NELL2: variants seen among roughly 807,000 people sequenced by gnomAD.
The protein encoded by NELL2 is neural EGFL like 2.
Under a neutral mutation model 109.6 loss-of-function variants are expected in NELL2, and 41 were observed. The observed-to-expected ratio is 0.37, with a 90% CI of 0.29 to 0.49. The LOEUF is 0.49. NELL2 is among the 20% of genes least tolerant of loss of function. NELL2 has a pLI of 0.98. For synonymous variants in NELL2, 355 were observed against 344.7 expected, an observed-to-expected ratio of 1.03 and a Z score of -0.33; for missense variants, 900 against 1,008.3, an observed-to-expected ratio of 0.89 and a Z score of 1.45.
chr12:44,570,297 T>C (rs1943816074), intron 15 of NELL2, among the ~76,000 whole-genome samples: 1 of 152,162 alleles, frequency 6.6e-6, no homozygotes, highest in African/African-American at 2.4e-5. Flanking sequence ...TGCTCCACAA[T>C]TAGGCAGAAA....
intron 3 of NELL2, among the ~76,000 whole-genome samples, chr12:44,789,560 G>A (rs1968664): frequency 0.95 from 144,074 of 152,140 alleles, 68,724 homozygotes; most frequent in East Asian, 1. Flanking sequence ...TGAGAAAATA[G>A]GGCTCTTTAA....
chr12:44,795,176 C>G lies in NELL2; in HGVS notation c.336-15154G>C, dbSNP rs145651341. On this transcript the variant is annotated intron_variant, in intron 3 of 19. Transcript: ENST00000429094. ...CATGAAATGAGAATTTTTTCTGCTG[C>G]CTTAAATTAAGCCTAAATAGGAAAA... Among the ~76,000 whole-genome samples the G allele has an allele frequency of 8.1e-3, 1,226 of 152,232 alleles. 21 individuals are homozygous for G. The highest frequency in any genetic ancestry group is 0.026 in the African/African-American group (1,065 of 41,546).
intron 15 of NELL2, among the ~76,000 whole-genome samples, chr12:44,581,722 G>A (rs1801955234): frequency 1.3e-5 from 2 of 152,138 alleles, no homozygotes; most frequent in South Asian, 4.1e-4. Flanking sequence ...TTTTCCCCTT[G>A]AGGGATTACA....
intron 11 of NELL2, among the ~76,000 whole-genome samples, chr12:44,709,114 A>T (rs549448346): frequency 2.0e-5 from 3 of 152,148 alleles, no homozygotes; most frequent in Admixed American, 2.0e-4. Context: ...ATTTCTGTAT[A>T]GCCCTTGGAC....
chr12:44,527,487 A>T (rs1282846830), intron 16 of NELL2, among the ~76,000 whole-genome samples: 1 of 152,222 alleles, frequency 6.6e-6, no homozygotes, highest in Non-Finnish European at 1.5e-5. Context: ...GCAGCTTATA[A>T]ACATGTATGT....
At chr12:44,640,725 C>A (rs189870952) in intron 13 of NELL2, among the ~76,000 whole-genome samples, 3 of 151,678 alleles carry the variant, frequency 2.0e-5, no homozygotes, top group Admixed American at 6.6e-5. Flanking sequence ...AGCTGAGGAA[C>A]AAGGGGACAA....
chr12:44,671,789 G>C (rs1022996921), intron 12 of NELL2, among the ~76,000 whole-genome samples: 8 of 152,134 alleles, frequency 5.3e-5, no homozygotes, highest in African/African-American at 1.9e-4. Context: ...TCCCAACAGA[G>C]AAAATCCAAA....
At chr12:44,628,528 G>C (rs932397323) in intron 13 of NELL2, among the ~76,000 whole-genome samples, 4 of 152,026 alleles carry the variant, frequency 2.6e-5, no homozygotes, top group Non-Finnish European at 5.9e-5. Flanking sequence ...CTTTGCTATT[G>C]GCCAGCATTT....
At chr12:44,563,370 GA>G (rs1311222269) in intron 15 of NELL2, among the ~76,000 whole-genome samples, 1 of 151,958 alleles carries the variant, frequency 6.6e-6, no homozygotes, top group Non-Finnish European at 1.5e-5. Context: ...AATTATAGGT[GA>G]TTTTTTTTCT....
At chr12:44,638,557 T>C (rs1946732781) in intron 13 of NELL2, among the ~76,000 whole-genome samples, 1 of 152,168 alleles carries the variant, frequency 6.6e-6, no homozygotes, top group Non-Finnish European at 1.5e-5. Flanking sequence ...CTGAGTCTTG[T>C]AAGCAGAGCC....
At chr12:44,662,187 T>G (rs1007422155) in intron 13 of NELL2, among the ~76,000 whole-genome samples, 1 of 152,192 alleles carries the variant, frequency 6.6e-6, no homozygotes, top group African/African-American at 2.4e-5. Context: ...AAAATGGTGA[T>G]TCATATTTAT....
chr12:44,547,882 T>A (rs1942866776), intron 15 of NELL2, among the ~76,000 whole-genome samples: 1 of 152,176 alleles, frequency 6.6e-6, no homozygotes, highest in Non-Finnish European at 1.5e-5. Context: ...AAAGTATATT[T>A]TCAAGGCTCT....
intron 15 of NELL2, among the ~76,000 whole-genome samples, chr12:44,548,659 C>CG (rs1306719449): frequency 6.6e-6 from 1 of 151,938 alleles, no homozygotes; most frequent in Non-Finnish European, 1.5e-5. Flanking sequence ...TATATACCAA[C>CG]ATATGTCACT....
At chr12:44,757,157 A>T (rs1429566148) in intron 9 of NELL2, among the ~76,000 whole-genome samples, 1 of 152,122 alleles carries the variant, frequency 6.6e-6, no homozygotes. Flanking sequence ...CTTGAAATCC[A>T]ATTACTATAG....
chr12:44,532,336 C>A (rs1247549300), intron 16 of NELL2, among the ~76,000 whole-genome samples: 1 of 152,080 alleles, frequency 6.6e-6, no homozygotes, highest in East Asian at 1.9e-4. Flanking sequence ...TCTAAAAACA[C>A]CATTTAACAG....
At chr12:44,827,872 T>C (rs1324480263) in intron 2 of NELL2, among the ~76,000 whole-genome samples, 1 of 152,206 alleles carries the variant, frequency 6.6e-6, no homozygotes, top group Non-Finnish European at 1.5e-5. Flanking sequence ...ATTTTAGTTT[T>C]CTGAGGAACC....
chr12:44,779,927 A>G lies in NELL2; in HGVS notation c.431T>C (p.Ile144Thr). The G allele has an allele frequency of 5.0e-6, 8 of 1,613,960 alleles. No individual in the cohort carries two copies. The highest frequency in any genetic ancestry group is 3.3e-4 in the Middle Eastern group (2 of 6,062). ...HRPHTEVFPY[I>T]LADDKWHKLS... is the part of the protein sequence containing the mutation. ...CTTGTGCCACTTGTCATCAGCCAAA[A>G]TGTAAGGAAACACTTCTGTGTGAGG... Residue 144 changes from isoleucine to threonine, a missense_variant, in exon 4 of 20, where the codon ATT (isoleucine) becomes ACT (threonine). Around this residue, in one of 4 missense-constraint regions of NELL2, gnomAD observed 200 missense variants for 191.8 expected, o/e 1.04. Coordinates refer to ENST00000429094, the MANE Select transcript of NELL2 (RefSeq NM_001145108.2).
intron 12 of NELL2, among the ~76,000 whole-genome samples, chr12:44,691,917 C>G (rs1172658592): frequency 6.6e-6 from 1 of 152,130 alleles, no homozygotes; most frequent in African/African-American, 2.4e-5. Flanking sequence ...GAAGCCATCT[C>G]TATAGCAGAA....
chr12:44,828,855 T>C (rs185791214), intron 2 of NELL2, among the ~76,000 whole-genome samples: 1 of 152,280 alleles, frequency 6.6e-6, no homozygotes, highest in Admixed American at 6.5e-5. Flanking sequence ...GCAAGCAAAA[T>C]TCTGATAATA....
Sources: gnomAD v4.1 joint callset for allele counts (sites outside exome capture counted in the v4.1 genomes callset) on GRCh38, gnomAD v4.1.1 for gene constraint, gnomAD v4.1.1 regional missense constraint, MANE v1.5 for transcripts, NCBI Gene and HGNC (gene_info 2026-07-23, HGNC 2026-07-21) for gene names.